CCSER1: variants seen among roughly 807,000 people sequenced by gnomAD.
CCSER1 encodes the protein serine-rich coiled-coil domain-containing protein 1.
A neutral mutation model predicts 82.0 loss-of-function variants in CCSER1; 41 were observed. That is an observed-to-expected ratio of 0.50 (90% CI 0.39 to 0.65). CCSER1 has a LOEUF of 0.65. CCSER1 is among the 30% of genes least tolerant of loss of function. The pLI, the probability that CCSER1 is intolerant of heterozygous loss-of-function variation, is 0.00. For missense variants in CCSER1, 1,119 were observed against 1,064.2 expected (o/e 1.05, Z -0.72); for synonymous variants, 414 against 383.9 (o/e 1.08, Z -0.92).
intron 10 of CCSER1, among the ~76,000 whole-genome samples, chr4:91,448,667 G>T (rs1755705181): frequency 6.6e-6 from 1 of 152,022 alleles, no homozygotes; most frequent in East Asian, 1.9e-4. Context: ...TTATTATGAT[G>T]ATAAAAAGTT....
intron 9 of CCSER1, among the ~76,000 whole-genome samples, chr4:90,997,814 C>A (rs1285465922): frequency 1.3e-5 from 2 of 152,094 alleles, no homozygotes; most frequent in African/African-American, 2.4e-5. Flanking sequence ...TTTACAAAGG[C>A]TACACTGAGA....
intron 10 of CCSER1, among the ~76,000 whole-genome samples, chr4:91,598,370 G>C: frequency 6.6e-6 from 1 of 152,032 alleles, no homozygotes; most frequent in African/African-American, 2.4e-5. Flanking sequence ...ATGCCTTTTA[G>C]AGTAAATTAA....
At chr4:90,646,223 GA>G (rs1293852466) in intron 6 of CCSER1, among the ~76,000 whole-genome samples, 5 of 152,058 alleles carry the variant, frequency 3.3e-5, no homozygotes, top group Admixed American at 6.6e-5. Flanking sequence ...AATTTTGGGG[GA>G]AAAATAATCA....
chr4:90,823,661 G>T (rs74337451), intron 8 of CCSER1, among the ~76,000 whole-genome samples: 2 of 151,086 alleles, frequency 1.3e-5, no homozygotes, highest in South Asian at 2.1e-4. Flanking sequence ...TCTCTATTTT[G>T]GGGGGGGATG....
At chr4:91,161,184 G>C (rs1379620992) in intron 10 of CCSER1, among the ~76,000 whole-genome samples, 2 of 151,956 alleles carry the variant, frequency 1.3e-5, no homozygotes, top group Non-Finnish European at 2.9e-5. Context: ...TCTTCTTTTT[G>C]TCAGATTTGT....
chr4:91,545,540 G>A (rs1018051889), intron 10 of CCSER1, among the ~76,000 whole-genome samples: 1 of 152,000 alleles, frequency 6.6e-6, no homozygotes, highest in African/African-American at 2.4e-5. Flanking sequence ...TCTAATTTTT[G>A]TGGATGCTAA....
intron 1 of CCSER1, among the ~76,000 whole-genome samples, chr4:90,276,353 T>C (rs1346979160): frequency 6.8e-6 from 1 of 147,152 alleles, no homozygotes; most frequent in Middle Eastern, 3.4e-3. Context: ...TCTTTCTTTT[T>C]TTTTTTTTTT....
intron 10 of CCSER1, among the ~76,000 whole-genome samples, chr4:91,549,657 C>T (rs1578762307): frequency 6.6e-6 from 1 of 152,046 alleles, no homozygotes; most frequent in Admixed American, 6.6e-5. Context: ...GGCAACATGG[C>T]ACAATCCCGT....
At chr4:90,592,635 A>G (rs1260038338) in intron 5 of CCSER1, among the ~76,000 whole-genome samples, 1 of 152,108 alleles carries the variant, frequency 6.6e-6, no homozygotes, top group Non-Finnish European at 1.5e-5. Context: ...TCTATAACTG[A>G]TGGTGATTAA....
chr4:90,605,642 G>A (rs1784608635), intron 5 of CCSER1, among the ~76,000 whole-genome samples: 1 of 152,160 alleles, frequency 6.6e-6, no homozygotes, highest in Non-Finnish European at 1.5e-5. Context: ...AGAGGAGACA[G>A]GAAATCAGAA....
At chr4:90,193,809 A>G (rs1736092139) in intron 1 of CCSER1, among the ~76,000 whole-genome samples, 1 of 152,064 alleles carries the variant, frequency 6.6e-6, no homozygotes, top group Admixed American at 6.6e-5. Context: ...GAAAATATCT[A>G]TTGATGCTTT....
intron 4 of CCSER1, among the ~76,000 whole-genome samples, chr4:90,450,842 T>C (rs2870249): frequency 0.94 from 142,421 of 152,262 alleles, 66,720 homozygotes; most frequent in East Asian, 1. Context: ...TGTTGCAGTT[T>C]GTGTTGCAAA....
chr4:91,418,020 G>C (rs543326998), intron 10 of CCSER1, among the ~76,000 whole-genome samples: 2 of 152,000 alleles, frequency 1.3e-5, no homozygotes, highest in Non-Finnish European at 2.9e-5. Context: ...TTGGTAAACA[G>C]TGACTTGACA....
intron 9 of CCSER1, among the ~76,000 whole-genome samples, chr4:91,064,827 A>G (rs1287397543): frequency 1.3e-5 from 2 of 151,702 alleles, no homozygotes; most frequent in African/African-American, 2.4e-5. Context: ...TTCCAGGGAC[A>G]ATACGTAGGG....
intron 10 of CCSER1, among the ~76,000 whole-genome samples, chr4:91,394,200 G>A (rs1244429333): frequency 6.6e-6 from 1 of 151,856 alleles, no homozygotes; most frequent in African/African-American, 2.4e-5. Flanking sequence ...AATCATATGA[G>A]GGTTTTCAGA....
intron 1 of CCSER1, among the ~76,000 whole-genome samples, chr4:90,298,387 C>T (rs1312367123): frequency 2.0e-5 from 3 of 151,536 alleles, no homozygotes; most frequent in Non-Finnish European, 4.4e-5. Flanking sequence ...TCTCTCTTTT[C>T]TTCTTTATTA....
At chr4:90,263,253 CTACAGTGATTGG>C (rs1339754632) in intron 1 of CCSER1, among the ~76,000 whole-genome samples, 18 of 152,164 alleles carry the variant, frequency 1.2e-4, no homozygotes, top group Admixed American at 3.9e-4. Context: ...GAGAGCCAGA[CTACAGTGATTGG>C]TATTGCCTTT....
intron 3 of CCSER1, among the ~76,000 whole-genome samples, chr4:90,399,182 A>T (rs1752448366): frequency 6.6e-6 from 1 of 152,112 alleles, no homozygotes; most frequent in South Asian, 2.1e-4. Flanking sequence ...CAAATATACA[A>T]ATCAGGACTT....
At chr4:91,393,299 A>G (rs1462934774) in intron 10 of CCSER1, among the ~76,000 whole-genome samples, 1 of 152,122 alleles carries the variant, frequency 6.6e-6, no homozygotes, top group Non-Finnish European at 1.5e-5. Context: ...AGAAAAGAAT[A>G]TGCCAAATAG....
Sources: gnomAD v4.1 joint callset for allele counts (sites outside exome capture counted in the v4.1 genomes callset) on GRCh38, gnomAD v4.1.1 for gene constraint, MANE v1.5 for transcripts, NCBI Gene and HGNC (gene_info 2026-07-23, HGNC 2026-07-21) for gene names.